The following COPG1 variants were observed in gnomAD, a reference collection of about 807,000 sequenced individuals.
The protein encoded by COPG1 is coat protein complex I subunit gamma 1.
COPG1 carries 29 observed loss-of-function variants against 102.8 expected under a neutral mutation model. That is an observed-to-expected ratio of 0.28 (90% CI 0.21 to 0.38). The LOEUF (loss-of-function observed/expected upper bound fraction) is 0.38, where lower values mean the gene tolerates loss of function less well. COPG1 is among the 10% of genes least tolerant of loss of function. COPG1 has a pLI of 1.00. For synonymous variants in COPG1, 406 were observed against 421.6 expected (o/e 0.96, Z 0.45); for missense variants, 875 against 1,132.7 (o/e 0.77, Z 3.27).
At chr3:129,263,786 CT>C in intron 12 of COPG1, 117 bp from the exon 13 acceptor site, 1 of 819,192 alleles carries the variant, frequency 1.2e-6, no homozygotes, top group Non-Finnish European at 2.1e-6. Context: ...TCTCCTTGCC[CT>C]TGTGTCATGC....
chr3:129,263,826 C>T (rs1939996485), intron 12 of COPG1, 78 bp from the exon 13 acceptor site: 1 of 1,238,506 alleles, frequency 8.1e-7, no homozygotes, highest in Non-Finnish European at 1.2e-6. Flanking sequence ...TAAGGAAGGA[C>T]TCAGTGGGCA....
In COPG1 at chr3:129,277,601, C is replaced by CTTT. The variant is rs35073725; in HGVS notation, c.*194_*196dup. 3.4e-3 allele frequency: 1,040 copies of CTTT among 302,220 alleles called. 8 individuals are homozygous for CTTT. Among genetic ancestry groups the CTTT allele is most frequent in the African/African-American group, 0.013 (518 of 41,204 alleles). The allele number at this position is 302,220 out of a possible 1,614,324, so 18.7% of individuals were successfully genotyped here. A position where few individuals can be genotyped will look rare whatever the true frequency, so the allele number is the denominator to read the frequency against. On this transcript the variant is annotated 3_prime_UTR_variant, in exon 24 of 24. Transcript: ENST00000314797. ...CCCACCCGGGACTACTTGCTGGTGA[C>CTTT]TTTTTTTTTTTTTTTTTTTAAATAG...
chr3:129,252,481 G>A, intron 3 of COPG1, 120 bp downstream of exon 3: 1 of 1,025,498 alleles, frequency 9.8e-7, no homozygotes, highest in Non-Finnish European at 1.5e-6. Flanking sequence ...CAACAGCTCA[G>A]CTCTGGGTCC....
rs769579281 is a variant in COPG1, at chr3:129,271,831, C to G, written c.1908C>G (p.Pro636=). The G allele has an allele frequency of 6.2e-7, 1 of 1,614,064 alleles. No homozygotes were observed. The highest frequency in any genetic ancestry group is 8.5e-7 in the Non-Finnish European group (1 of 1,180,010). The change falls in exon 19 of 24, where the codon CCC becomes CCG. Residue 636 remains proline (P), a synonymous_variant. Coordinates refer to ENST00000314797, the MANE Select transcript of COPG1 (RefSeq NM_016128.4). This position sits in a 1 kb window ranked among gnomAD's most constrained non-coding sequence, Gnocchi z 4.7. ...LGPLFKSSPE[P]VALTESETEY... The stretch of plus-strand genomic sequence containing the variant: ...CCCTCTTCAAGTCCTCGCCTGAGCC[C>G]GTGGCCCTCACCGAGTCAGAGACGG...
At position 129,271,027 on chromosome 3, in the gene COPG1, A is replaced by G. The variant is rs542254339; in HGVS notation, c.1844-740A>G. On this transcript the variant is annotated intron_variant, in intron 18 of 23. Coordinates refer to ENST00000314797, the MANE Select transcript of COPG1 (RefSeq NM_016128.4). The surrounding 1 kb of genome is among the most constrained non-coding windows in gnomAD (Gnocchi z 4.7). ...ATTCTGATACAGTTGATCCATGGTC[A>G]TAGTGCGAGGAATCCTGCCATAGAA... Among the ~76,000 whole-genome samples, 8 of 152,354 alleles carry G rather than the reference A, an allele frequency of 5.3e-5. No homozygotes were observed. In the East Asian group the frequency reaches 1.5e-3, roughly 29 times the overall value.
chr3:129,256,407 G>A (rs1939810683), intron 8 of COPG1, among the ~76,000 whole-genome samples: 1 of 152,280 alleles, frequency 6.6e-6, no homozygotes, highest in African/African-American at 2.4e-5. Flanking sequence ...ATAACCAGCT[G>A]AGTATTGTTT....
intron 2 of COPG1, among the ~76,000 whole-genome samples, chr3:129,251,067 A>G (rs1306557600): frequency 7.4e-5 from 11 of 149,626 alleles, no homozygotes; most frequent in South Asian, 4.2e-4. Context: ...GGGACTACAG[A>G]CGCCCGCCAC....
chr3:129,252,495 C>A, intron 3 of COPG1, 128 bp from the exon 4 acceptor site: 1 of 1,021,872 alleles, frequency 9.8e-7, no homozygotes, highest in Non-Finnish European at 1.5e-6. Context: ...TGGGTCCCCT[C>A]AGCATCCAAG....
chr3:129,271,979 G>A lies in COPG1; in HGVS notation c.1986+70G>A, dbSNP rs1027747216. ...AGTTGTCCCAGGTCTGGCAGGTCCT[G>A]TAGGGTCATGGGTCCCCACACTGCA... On this transcript the variant is annotated intron_variant, in intron 19 of 23. Coordinates refer to ENST00000314797, the MANE Select transcript of COPG1 (RefSeq NM_016128.4). This position sits in a 1 kb window ranked among gnomAD's most constrained non-coding sequence, Gnocchi z 4.7. 1 of 1,547,242 alleles carries A rather than the reference G, an allele frequency of 6.5e-7. No homozygotes were observed. Among genetic ancestry groups the A allele is most frequent in the South Asian group, 1.2e-5 (1 of 83,322 alleles).
Position 129,257,715 on chromosome 3 carries a change from G to A in COPG1, c.738-12G>A. 6.2e-7 allele frequency: 1 copy of A among 1,613,770 alleles called. No individual in the cohort carries two copies. Among genetic ancestry groups the A allele is most frequent in the Non-Finnish European group, 8.5e-7 (1 of 1,179,680 alleles). On this transcript the variant is annotated splice_polypyrimidine_tract_variant and intron_variant, in intron 9 of 23. Transcript: ENST00000314797. ...CCCCAACGTTTTCTTGCCACCCTAT[G>A]TTCTTTTGTAGCCGTGACAGCCCAC...
At chr3:129,261,026 G>C (rs745519324) in intron 12 of COPG1, among the ~76,000 whole-genome samples, 1 of 152,192 alleles carries the variant, frequency 6.6e-6, no homozygotes, top group Non-Finnish European at 1.5e-5. Flanking sequence ...TGTACTGAAA[G>C]AACAGTAGTT....
chr3:129,277,269 T>C (rs1320585224), intron 23 of COPG1, 25 bp from the exon 24 acceptor site: 1 of 1,612,880 alleles, frequency 6.2e-7, no homozygotes, highest in Non-Finnish European at 8.5e-7. Context: ...GCTGTATATA[T>C]CTGTACTTCT....
Position 129,265,439 on chromosome 3 carries a change from T to C in COPG1, c.1225-110T>C, listed in dbSNP as rs1187403703. 7 of 1,353,410 alleles carry C rather than the reference T, an allele frequency of 5.2e-6. No homozygotes were observed. In the South Asian group the frequency reaches 8.3e-5, roughly 16 times the overall value. 83.8% of individuals were successfully genotyped at this position (1,353,410 alleles called of 1,614,324 possible). On this transcript the variant is annotated intron_variant, in intron 13 of 23. Transcript: ENST00000314797. Reference sequence around the variant, plus strand: ...AGTGATAGAGGCCCAGAGAACCAAGTGCCCTGTCTCCAAGTTCTGTGTTTG... The same window carrying C: ...AGTGATAGAGGCCCAGAGAACCAAGCGCCCTGTCTCCAAGTTCTGTGTTTG...
intron 8 of COPG1, 110 bp downstream of exon 8, chr3:129,256,264 C>T: frequency 1.2e-6 from 1 of 856,506 alleles, no homozygotes; most frequent in Non-Finnish European, 1.9e-6. Context: ...CTGGCCATAG[C>T]AGGCTTTAAT....
intron 12 of COPG1, among the ~76,000 whole-genome samples, chr3:129,262,543 G>A (rs1251829595): frequency 6.6e-6 from 1 of 151,930 alleles, no homozygotes; most frequent in Non-Finnish European, 1.5e-5. Flanking sequence ...GTGAGCCACC[G>A]CACTCGGCCT....
chr3:129,253,315 A>G (rs6439159), intron 5 of COPG1, among the ~76,000 whole-genome samples: 34,515 of 152,178 alleles, frequency 0.23, 6,629 homozygotes, highest in African/African-American at 0.53. Context: ...TAAGCTAAGC[A>G]ATTCAGGGAC....
chr3:129,254,084 G>A (rs919649272), intron 5 of COPG1, among the ~76,000 whole-genome samples: 6 of 151,682 alleles, frequency 4.0e-5, no homozygotes, highest in Non-Finnish European at 7.4e-5. Context: ...GGATCACAAG[G>A]TCGGGAGTTC....
intron 23 of COPG1, among the ~76,000 whole-genome samples, chr3:129,276,819 C>CTTTT (rs1439259469): frequency 7.7e-6 from 1 of 129,748 alleles, no homozygotes; most frequent in African/African-American, 3.3e-5. Flanking sequence ...GAGACAGTGA[C>CTTTT]TTTCTTTTTT....
chr3:129,272,688 AATAAC>A (rs1940205854), intron 20 of COPG1, 114 bp from the exon 21 acceptor site: 1 of 645,898 alleles, frequency 1.5e-6, no homozygotes. Context: ...TGCTGCTACT[AATAAC>A]ATAGCAGGGG....
Sources: gnomAD v4.1 joint callset for allele counts (sites outside exome capture counted in the v4.1 genomes callset) on GRCh38, gnomAD v4.1.1 for gene constraint, Gnocchi (gnomAD v3.1) non-coding constraint, MANE v1.5 for transcripts, NCBI Gene and HGNC (gene_info 2026-07-23, HGNC 2026-07-21) for gene names.